PDCD2L: variants seen among roughly 807,000 people sequenced by gnomAD.
The protein encoded by PDCD2L is programmed cell death 2 like.
Under a neutral mutation model 40.4 loss-of-function variants are expected in PDCD2L, and 44 were observed. The observed-to-expected ratio is 1.09, with a 90% CI of 0.86 to 1.40. The LOEUF (loss-of-function observed/expected upper bound fraction) is 1.40. PDCD2L is among the 40% of genes most tolerant of loss of function. The pLI, the probability that PDCD2L is intolerant of heterozygous loss-of-function variation, is 0.00. For synonymous variants in PDCD2L, 194 were observed against 174.6 expected, an observed-to-expected ratio of 1.11 and a Z score of -0.88; for missense variants, 470 against 453.7, an observed-to-expected ratio of 1.04 and a Z score of -0.33.
At chr19:34,425,334 T>C (rs1286534029) in intron 6 of PDCD2L, among the ~76,000 whole-genome samples, 1 of 150,348 alleles carries the variant, frequency 6.7e-6, no homozygotes, top group East Asian at 2.0e-4. Context: ...AGGGTCTCGC[T>C]CTATCACCCG....
intron 6 of PDCD2L, among the ~76,000 whole-genome samples, chr19:34,422,936 T>C (rs1167035280): frequency 6.6e-6 from 1 of 152,052 alleles, no homozygotes; most frequent in East Asian, 1.9e-4. Context: ...GCCAGGATGG[T>C]GTTGATCTCC....
intron 4 of PDCD2L, 144 bp downstream of exon 4, chr19:34,409,654 C>T (rs2075093527): frequency 1.5e-6 from 1 of 651,010 alleles, no homozygotes; most frequent in Non-Finnish European, 2.6e-6. Context: ...TCCTTATCAG[C>T]CAACTTGAGT....
At chr19:34,406,527 C>T (rs929286668) in intron 3 of PDCD2L, among the ~76,000 whole-genome samples, 48 of 152,018 alleles carry the variant, frequency 3.2e-4, no homozygotes, top group African/African-American at 4.6e-4. Context: ...GGACCACAGG[C>T]GCCCGCCACC....
intron 3 of PDCD2L, among the ~76,000 whole-genome samples, chr19:34,405,486 T>C (rs984839207): frequency 6.6e-6 from 1 of 151,854 alleles, no homozygotes; most frequent in African/African-American, 2.4e-5. Flanking sequence ...TCTTCTATTT[T>C]ACTTTATTTT....
intron 4 of PDCD2L, 41 bp downstream of exon 4, chr19:34,409,551 G>A: frequency 6.4e-7 from 1 of 1,555,120 alleles, no homozygotes; most frequent in Non-Finnish European, 8.8e-7. Context: ...TGACTGGATT[G>A]GGAAGCAGCC....
intron 3 of PDCD2L, among the ~76,000 whole-genome samples, chr19:34,406,642 C>T (rs998901948): frequency 3.9e-5 from 6 of 151,974 alleles, no homozygotes; most frequent in African/African-American, 1.2e-4. Context: ...CCACCCACCT[C>T]GGCCTCCCAA....
Position 34,404,763 on chromosome 19 carries a change from C to G in PDCD2L, c.223C>G (p.Leu75Val), listed in dbSNP as rs2075065342. 2 of 1,610,700 alleles carry G rather than the reference C, an allele frequency of 1.2e-6. No homozygotes were observed. Among genetic ancestry groups the G allele is most frequent in the Non-Finnish European group, 1.7e-6 (2 of 1,179,342 alleles). ...GGAAGGCTCCCCGTTTCACCGTCTG[C>G]TGCACGTGTTCGCGTGCGCCTGCCC... The part of the protein sequence containing the change: ...PLEGSPFHRL[L>V]HVFACACPGC... Residue 75 changes from leucine (L) to valine (V), a missense_variant, in exon 2 of 7, where the codon CTG becomes GTG. Coordinates refer to ENST00000246535, the MANE Select transcript of PDCD2L (RefSeq NM_032346.2).
chr19:34,424,078 C>T (rs560440730), intron 6 of PDCD2L, among the ~76,000 whole-genome samples: 8 of 151,948 alleles, frequency 5.3e-5, no homozygotes, highest in African/African-American at 1.4e-4. Context: ...TGTCTTCTGA[C>T]AGTGAAAGCC....
Position 34,404,526 on chromosome 19 carries a change from G to A in PDCD2L, c.96G>A (p.Leu32=). The change falls in exon 1 of 7, where the codon CTG becomes CTA. Residue 32 remains leucine (L), a synonymous_variant. Coordinates refer to ENST00000246535, the MANE Select transcript of PDCD2L (RefSeq NM_032346.2). ...CGGGTGCCTGGACTGCTAGCAAGCTGGGCGGCATTCCGGTGAGGGCGGGTG... is the reference window on the plus strand; with the variant it reads ...CGGGTGCCTGGACTGCTAGCAAGCTAGGCGGCATTCCGGTGAGGGCGGGTG... ...TGPGAWTASK[L]GGIPDALPTV... is the part of the protein sequence containing the mutation. The A allele has an allele frequency of 1.3e-6, 2 of 1,544,692 alleles. No individual in the cohort carries two copies. Among genetic ancestry groups the A allele is most frequent in the South Asian group, 2.4e-5 (2 of 84,368 alleles).
chr19:34,411,985 A>AT (rs1568358917), intron 4 of PDCD2L, among the ~76,000 whole-genome samples: 21 of 98,252 alleles, frequency 2.1e-4, no homozygotes, highest in East Asian at 1.6e-3. Context: ...TATATATATA[A>AT]AATAAATAAT....
At position 34,407,757 on chromosome 19, in the gene PDCD2L, G is replaced by A. The variant is rs144184943; in HGVS notation, c.337-1404G>A. Among the ~76,000 whole-genome samples the A allele has an allele frequency of 3.8e-3, 583 of 152,186 alleles. 3 individuals are homozygous for A. Among genetic ancestry groups the A allele is most frequent in the Middle Eastern group, 6.8e-3 (2 of 294 alleles). ...TGTGGTTGTATGTGATAATGTATAC[G>A]TGTCTTTATAGTAAATATACTTTAT... On this transcript the variant is annotated intron_variant, in intron 3 of 6. Coordinates refer to ENST00000246535, the MANE Select transcript of PDCD2L (RefSeq NM_032346.2).
chr19:34,423,165 C>T (rs879879715), intron 6 of PDCD2L, among the ~76,000 whole-genome samples: 6 of 152,044 alleles, frequency 3.9e-5, no homozygotes, highest in Admixed American at 6.6e-5. Context: ...GAAATTTATA[C>T]CCTATTCCTA....
chr19:34,424,074 C>T (rs966763043), intron 6 of PDCD2L, among the ~76,000 whole-genome samples: 4 of 151,828 alleles, frequency 2.6e-5, no homozygotes, highest in Admixed American at 1.3e-4. Flanking sequence ...GTGTTGTCTT[C>T]TGACAGTGAA....
At chr19:34,406,120 C>T (rs1392973766) in intron 3 of PDCD2L, among the ~76,000 whole-genome samples, 2 of 152,136 alleles carry the variant, frequency 1.3e-5, no homozygotes, top group Admixed American at 6.5e-5. Flanking sequence ...CCGGCCTGGG[C>T]CACAAAGCCA....
intron 4 of PDCD2L, among the ~76,000 whole-genome samples, chr19:34,410,834 G>C (rs1022294766): frequency 6.7e-6 from 1 of 150,226 alleles, no homozygotes; most frequent in African/African-American, 2.4e-5. Flanking sequence ...TGCCAGGCTG[G>C]AGTGCAGTGG....
chr19:34,404,430 C>G lies in PDCD2L; in HGVS notation c.-1C>G, dbSNP rs755547118. On this transcript the variant is annotated 5_prime_UTR_variant, in exon 1 of 7. Coordinates refer to ENST00000246535, the MANE Select transcript of PDCD2L (RefSeq NM_032346.2). ...CGTTTTCACCTGGTCGCCCGGCGGC[C>G]ATGGCGGCCGTTCTGAAGCCGGTGC... 2 of 1,541,370 alleles carry G rather than the reference C, an allele frequency of 1.3e-6. No individual in the cohort carries two copies. Among genetic ancestry groups the G allele is most frequent in the African/African-American group, 2.8e-5 (2 of 72,702 alleles).
At chr19:34,409,594 C>G (rs1225700025) in intron 4 of PDCD2L, 84 bp downstream of exon 4, 12 of 1,256,368 alleles carry the variant, frequency 9.6e-6, no homozygotes, top group Admixed American at 2.1e-5. Flanking sequence ...ACCACAGGAC[C>G]TGGGGAAACT....
intron 6 of PDCD2L, among the ~76,000 whole-genome samples, chr19:34,425,751 T>C (rs2075174155): frequency 6.6e-6 from 1 of 152,224 alleles, no homozygotes; most frequent in African/African-American, 2.4e-5. Context: ...GAACACTTGC[T>C]GAAATTTTTG....
At chr19:34,414,738 CCTTGG>C (rs1466487987) in intron 5 of PDCD2L, among the ~76,000 whole-genome samples, 12 of 151,962 alleles carry the variant, frequency 7.9e-5, no homozygotes, top group Non-Finnish European at 1.3e-4. Context: ...CATCCACCTG[CCTTGG>C]CTTCCCAGAG....
Sources: gnomAD v4.1 joint callset for allele counts (sites outside exome capture counted in the v4.1 genomes callset) on GRCh38, gnomAD v4.1.1 for gene constraint, MANE v1.5 for transcripts, NCBI Gene and HGNC (gene_info 2026-07-23, HGNC 2026-07-21) for gene names.